Variants in CDH5 observed in about 807,000 individuals in gnomAD.
The protein encoded by CDH5 is cadherin 5.
In CDH5, 28 loss-of-function variants were observed where a neutral mutation model predicts 62.0. The observed-to-expected ratio is 0.45, with a 90% confidence interval of 0.33 to 0.62. The LOEUF (loss-of-function observed/expected upper bound fraction) is 0.62, where lower values mean the gene tolerates loss of function less well. Among genes scored for constraint, CDH5 ranks in the 20% least tolerant of loss-of-function variants. The pLI is 0.02. For synonymous variants in CDH5, 464 were observed against 445.8 expected, an observed-to-expected ratio of 1.04 and a Z score of -0.52; for missense variants, 940 against 1,065.1, an observed-to-expected ratio of 0.88 and a Z score of 1.63.
Position 66,392,237 on chromosome 16 carries a change from C to T in CDH5, c.1071C>T (p.Ala357=), listed in dbSNP as rs1961099099. 6.2e-7 allele frequency: 1 copy of T among 1,614,110 alleles called. No homozygotes were observed. The highest frequency in any genetic ancestry group is 8.5e-7 in the Non-Finnish European group (1 of 1,180,022). Residue 357 remains alanine, a synonymous_variant, in exon 7 of 12, where the codon GCC becomes GCT. Coordinates refer to ENST00000341529, the MANE Select transcript of CDH5 (RefSeq NM_001795.5). The part of the protein sequence containing the change: ...RYMSPPAGNR[A]QVIINITDVD... ...TGAGCCCTCCCGCGGGAAACAGAGC[C>T]CAGGTCATTATCAACATCACAGATG...
chr16:66,386,266 CT>C (rs1288866509), intron 2 of CDH5, among the ~76,000 whole-genome samples: 446 of 140,756 alleles, frequency 3.2e-3, no homozygotes, highest in Middle Eastern at 7.1e-3. Context: ...GTCAGAGGTT[CT>C]TTTTTTTTTT....
chr16:66,368,721 A>G (rs1032310665), intron 1 of CDH5, among the ~76,000 whole-genome samples: 2 of 152,208 alleles, frequency 1.3e-5, no homozygotes, highest in Admixed American at 1.3e-4. Context: ...AGCCAGTCCA[A>G]GGTCACACAA....
At chr16:66,378,697 C>A (rs1345490263) in intron 1 of CDH5, among the ~76,000 whole-genome samples, 1 of 152,166 alleles carries the variant, frequency 6.6e-6, no homozygotes, top group Non-Finnish European at 1.5e-5. Flanking sequence ...CCCCACAGGC[C>A]CTCCTCTGGG....
intron 2 of CDH5, among the ~76,000 whole-genome samples, chr16:66,380,688 T>C (rs954883099): frequency 9.3e-5 from 14 of 151,302 alleles, no homozygotes; most frequent in Non-Finnish European, 1.9e-4. Context: ...ATAGTGATGG[T>C]GATGGTGGTG....
At chr16:66,393,060 G>T (rs540279806) in intron 7 of CDH5, 55 of 152,334 alleles carry the variant, frequency 3.6e-4, no homozygotes, top group African/African-American at 1.3e-3. Flanking sequence ...AGAAAAAAAT[G>T]ATATAGTTCC....
chr16:66,404,599 G>T lies in CDH5; in HGVS notation c.*1430G>T, dbSNP rs1961355579. The T allele has an allele frequency of 6.6e-6, 1 of 152,364 alleles. No individual in the cohort carries two copies. Among genetic ancestry groups the T allele is most frequent in the South Asian group, 2.1e-4 (1 of 4,816 alleles). 9.4% of individuals were successfully genotyped at this position (152,364 alleles called of 1,614,324 possible). A position where few individuals can be genotyped will look rare whatever the true frequency, so the allele number is the denominator to read the frequency against. ...AATAAGGGTTTTTGCATAATAAGCA[G>T]GTTGTTATTTAGGTTAACAATATTA... On this transcript the variant is annotated 3_prime_UTR_variant, in exon 12 of 12. Coordinates refer to ENST00000341529, the MANE Select transcript of CDH5 (RefSeq NM_001795.5).
intron 11 of CDH5, 35 bp from the exon 12 acceptor site, chr16:66,402,617 T>C: frequency 2.0e-6 from 3 of 1,519,312 alleles, no homozygotes; most frequent in Non-Finnish European, 2.6e-6. Flanking sequence ...GCCCCCAGCC[T>C]TGTCTGACTC....
At chr16:66,402,420 G>T (rs571779389) in intron 11 of CDH5, among the ~76,000 whole-genome samples, 2 of 46,514 alleles carry the variant, frequency 4.3e-5, no homozygotes, top group South Asian at 1.1e-3. Context: ...CAGGGACGGG[G>T]TGTGGGGTGT....
At chr16:66,386,510 A>G (rs1960985628) in intron 2 of CDH5, among the ~76,000 whole-genome samples, 2 of 152,126 alleles carry the variant, frequency 1.3e-5, no homozygotes, top group South Asian at 4.1e-4. Flanking sequence ...GCTCCTACTT[A>G]TAAGTGAGAA....
At position 66,400,856 on chromosome 16, in the gene CDH5, C is replaced by T. The variant is rs377192076; in HGVS notation, c.1677C>T (p.Asp559=). The change falls in exon 11 of 12, where the codon GAC becomes GAT. Residue 559 remains aspartate (D), a synonymous_variant. Coordinates refer to ENST00000341529, the MANE Select transcript of CDH5 (RefSeq NM_001795.5). ...KVHFLPVVIS[D]NGMPSRTGTS... ...ACTTCCTACCCGTGGTCATCTCAGACAATGGGATGCCAAGTCGCACGGGCA... is the reference window on the plus strand; with the variant it reads ...ACTTCCTACCCGTGGTCATCTCAGATAATGGGATGCCAAGTCGCACGGGCA... The T allele has an allele frequency of 1.9e-6, 3 of 1,614,212 alleles. No homozygotes were observed. The highest frequency in any genetic ancestry group is 2.5e-6 in the Non-Finnish European group (3 of 1,180,040).
At chr16:66,372,322 A>ATCTAC in intron 1 of CDH5, among the ~76,000 whole-genome samples, 1 of 152,272 alleles carries the variant, frequency 6.6e-6, no homozygotes, top group Non-Finnish European at 1.5e-5. Flanking sequence ...TGCTCAATAA[A>ATCTAC]TGTTTGCTGC....
intron 1 of CDH5, among the ~76,000 whole-genome samples, chr16:66,368,398 G>T (rs1248078213): frequency 6.6e-6 from 1 of 152,178 alleles, no homozygotes; most frequent in African/African-American, 2.4e-5. Flanking sequence ...GTGTATACTG[G>T]CCTGGAAGGG....
chr16:66,389,988 G>A (rs1481523211), intron 5 of CDH5, among the ~76,000 whole-genome samples: 1 of 152,358 alleles, frequency 6.6e-6, no homozygotes, highest in Non-Finnish European at 1.5e-5. Flanking sequence ...TCTAATGAGA[G>A]CTTTTCCCAT....
intron 7 of CDH5, 176 bp downstream of exon 7, chr16:66,392,559 T>C: frequency 1.3e-6 from 1 of 794,840 alleles, no homozygotes; most frequent in South Asian, 1.8e-5. Context: ...CCTGGCATCT[T>C]GACCTGCCTG....
intron 2 of CDH5, among the ~76,000 whole-genome samples, chr16:66,381,009 T>A (rs958274128): frequency 3.7e-4 from 56 of 152,194 alleles, no homozygotes; most frequent in African/African-American, 1.3e-3. Flanking sequence ...GAGGCTCACC[T>A]GGCCTGGGGG....
chr16:66,393,685 T>C (rs2142334893), intron 7 of CDH5, among the ~76,000 whole-genome samples: 1 of 152,356 alleles, frequency 6.6e-6, no homozygotes. Context: ...TTACACTAGA[T>C]CTTAGATATA....
chr16:66,402,560 T>G (rs1392978251), intron 11 of CDH5, 92 bp from the exon 12 acceptor site: 83 of 953,228 alleles, frequency 8.7e-5, no homozygotes, highest in African/African-American at 5.7e-4. Context: ...GGCGTGGGGG[T>G]GGGGTTGCAG....
chr16:66,395,965 G>A, intron 7 of CDH5, 94 bp from the exon 8 acceptor site: 2 of 1,302,634 alleles, frequency 1.5e-6, no homozygotes, highest in Non-Finnish European at 2.1e-6. Flanking sequence ...GTGGGATGCA[G>A]GGGACAGATG....
chr16:66,400,778 G>A lies in CDH5; in HGVS notation c.1599G>A (p.Thr533=), dbSNP rs746484509. Residue 533 remains threonine, a synonymous_variant, in exon 11 of 12, where the codon ACG becomes ACA. Coordinates refer to ENST00000341529, the MANE Select transcript of CDH5 (RefSeq NM_001795.5). ...NFTLTDNHDN[T]ANITVKYGQF... is the part of the protein sequence containing the mutation. ...AGGCCTTGGTGTTTCCAGATAACAC[G>A]GCCAACATCACAGTCAAGTATGGGC... The A allele has an allele frequency of 4.3e-5, 70 of 1,614,172 alleles. No homozygotes were observed. The highest frequency in any genetic ancestry group is 1.6e-4 in the Middle Eastern group (1 of 6,062).
Sources: allele counts gnomAD v4.1 joint callset (sites outside exome capture counted in the v4.1 genomes callset), GRCh38; gene constraint gnomAD v4.1.1; transcripts MANE v1.5; gene names NCBI Gene and HGNC (gene_info 2026-07-23, HGNC 2026-07-21).